Variants in KCNQ1 observed in about 807,000 individuals in gnomAD.
KCNQ1 encodes potassium voltage-gated channel subfamily KQT member 1.
In KCNQ1, 49 loss-of-function variants were observed where a neutral mutation model predicts 72.4. That is an observed-to-expected ratio of 0.68 (90% CI 0.54 to 0.86). The LOEUF (loss-of-function observed/expected upper bound fraction) is 0.86, where lower values mean the gene tolerates loss of function less well. Among genes scored for constraint, KCNQ1 ranks in the 40% least tolerant of loss-of-function variants. The pLI is 0.00. For missense variants in KCNQ1, 790 were observed against 945.1 expected (o/e 0.84, Z 2.15); for synonymous variants, 450 against 412.6 (o/e 1.09, Z -1.10).
Position 2,624,239 on chromosome 11 carries a change from G to C in KCNQ1, c.1393+35385G>C, listed in dbSNP as rs1200375927. 7.5e-6 allele frequency: 3 copies of C among 398,378 alleles called. No homozygotes were observed. The highest frequency in any genetic ancestry group is 1.3e-5 in the Non-Finnish European group (3 of 226,032). The allele number at this position is 398,378 out of a possible 1,614,324, so 24.7% of individuals were successfully genotyped here. On this transcript the variant is annotated intron_variant, in intron 10 of 15. Transcript: ENST00000155840. The surrounding 1 kb of genome is among the most constrained non-coding windows in gnomAD (Gnocchi z 4.9). Reference sequence around the variant, plus strand: ...CTTCATTGGTGAGATGTCTGTTAAGGTCTTCAGTCCATTTTGTAATCAGAT... The same window carrying C: ...CTTCATTGGTGAGATGTCTGTTAAGCTCTTCAGTCCATTTTGTAATCAGAT...
chr11:2,671,545 T>C lies in KCNQ1; in HGVS notation c.1514+9464T>C. On this transcript the variant is annotated intron_variant, in intron 11 of 15. Coordinates refer to ENST00000155840, the MANE Select transcript of KCNQ1 (RefSeq NM_000218.3). This position sits in a 1 kb window ranked among gnomAD's most constrained non-coding sequence, Gnocchi z 4.7. ...TTCAAAGGTTAATTTTGACTCTGCC[T>C]GACTTATCTCCTAAGTCTTTGGCAC... 2.5e-6 allele frequency: 1 copy of C among 398,670 alleles called. No homozygotes were observed. Among genetic ancestry groups the C allele is most frequent in the Non-Finnish European group, 4.4e-6 (1 of 226,080 alleles). The allele number at this position is 398,670 out of a possible 1,614,324, so 24.7% of individuals were successfully genotyped here.
intron 15 of KCNQ1, among the ~76,000 whole-genome samples, chr11:2,789,945 C>T (rs995092831): frequency 6.6e-6 from 1 of 152,212 alleles, no homozygotes; most frequent in South Asian, 2.1e-4. Context: ...CTCAGAGGCT[C>T]CTCTCTGTGC....
chr11:2,743,462 T>C (rs961250667), intron 11 of KCNQ1, among the ~76,000 whole-genome samples: 1 of 152,228 alleles, frequency 6.6e-6, no homozygotes, highest in Non-Finnish European at 1.5e-5. Flanking sequence ...GGGCCCAAGA[T>C]GTCAGTTTGC....
chr11:2,728,628 C>T (rs1003329884), intron 11 of KCNQ1, among the ~76,000 whole-genome samples: 4 of 152,232 alleles, frequency 2.6e-5, no homozygotes, highest in African/African-American at 9.6e-5. Flanking sequence ...CTACTGCATC[C>T]TCCCAGAAGC....
At chr11:2,586,753 CT>C (rs923432884) in intron 8 of KCNQ1, among the ~76,000 whole-genome samples, 20 of 152,260 alleles carry the variant, frequency 1.3e-4, no homozygotes, top group Non-Finnish European at 2.2e-4. Context: ...TCGCCAGCTG[CT>C]GTGTCTACCT....
At position 2,592,013 on chromosome 11, in the gene KCNQ1, ACG is replaced by A. The variant is rs1168481271; in HGVS notation, c.1393+3160_1393+3161del. The stretch of plus-strand genomic sequence containing the variant: ...ACAGCCCCACTCCCGCAAGGCGGGT[ACG>A]AACAGCCACACTGAGTCCCCCGCAA... On this transcript the variant is annotated intron_variant, in intron 10 of 15. Coordinates refer to ENST00000155840, the MANE Select transcript of KCNQ1 (RefSeq NM_000218.3). This position sits in a 1 kb window ranked among gnomAD's most constrained non-coding sequence, Gnocchi z 5.2. 5.9e-5 allele frequency among the ~76,000 whole-genome samples: 9 copies of A among 152,354 alleles called. No individual in the cohort carries two copies. The highest frequency in any genetic ancestry group is 1.9e-4 in the African/African-American group (8 of 41,590).
intron 15 of KCNQ1, among the ~76,000 whole-genome samples, chr11:2,789,463 C>T (rs1010033042): frequency 3.3e-5 from 5 of 152,208 alleles, no homozygotes; most frequent in African/African-American, 4.8e-5. Context: ...GACACCTCGA[C>T]GCCGCAGCCC....
At chr11:2,672,892 G>T (rs1333805813) in intron 11 of KCNQ1, 1 of 398,644 alleles carries the variant, frequency 2.5e-6, no homozygotes, top group African/African-American at 2.1e-5. Context: ...CAGGGGAGCA[G>T]TATGTGGCAC....
chr11:2,462,119 G>C lies in KCNQ1; in HGVS notation c.386+16635G>C, dbSNP rs752308749. 4.6e-5 allele frequency: 13 copies of C among 284,542 alleles called. No homozygotes were observed. Among genetic ancestry groups the C allele is most frequent in the Non-Finnish European group, 7.7e-5 (11 of 142,916 alleles). The allele number at this position is 284,542 out of a possible 1,614,324, so 17.6% of individuals were successfully genotyped here. ...TCACAAGAATCCTTCCCTGGGCTGA[G>C]GGGGCGTTGCTGTGGGTGTATCTCA... is the stretch of plus-strand genomic sequence containing the variant. On this transcript the variant is annotated intron_variant, in intron 1 of 15. Transcript: ENST00000155840. This position sits in a 1 kb window ranked among gnomAD's most constrained non-coding sequence, Gnocchi z 8.2.
At position 2,710,636 on chromosome 11, in the gene KCNQ1, CTTTCAGT is replaced by C. The variant is rs1850987165; in HGVS notation, c.1514+48557_1514+48563del. On this transcript the variant is annotated intron_variant, in intron 11 of 15. Transcript: ENST00000155840. The surrounding 1 kb of genome is among the most constrained non-coding windows in gnomAD (Gnocchi z 4.1). ...CTCTTACACTTAGGTCTTTCATCCG[CTTTCAGT>C]TAGTTTAACATATGGTGTGAGGTAG... 6.6e-6 allele frequency among the ~76,000 whole-genome samples: 1 copy of C among 152,136 alleles called. No homozygotes were observed. The highest frequency in any genetic ancestry group is 2.1e-4 in the South Asian group (1 of 4,830).
chr11:2,618,729 G>C (rs895884385), intron 10 of KCNQ1: 10 of 398,334 alleles, frequency 2.5e-5, no homozygotes, highest in Middle Eastern at 6.2e-4. Context: ...AATTTTCCAT[G>C]GGATTTTGAT....
intron 10 of KCNQ1, chr11:2,650,759 G>A: frequency 7.5e-6 from 3 of 398,614 alleles, no homozygotes. Context: ...CTACCCACAG[G>A]CAATTTGAAG....
intron 2 of KCNQ1, among the ~76,000 whole-genome samples, chr11:2,558,455 A>G (rs1479234323): frequency 6.6e-6 from 1 of 152,198 alleles, no homozygotes; most frequent in East Asian, 1.9e-4. Context: ...TTGCTTCATC[A>G]GAATCTGCTG....
intron 11 of KCNQ1, chr11:2,694,650 C>G (rs550230019): frequency 2.5e-6 from 1 of 398,650 alleles, no homozygotes; most frequent in African/African-American, 2.1e-5. Flanking sequence ...ATCTGTGACA[C>G]ACCCACCATG....
chr11:2,650,662 G>A, intron 10 of KCNQ1: 1 of 398,628 alleles, frequency 2.5e-6, no homozygotes. Flanking sequence ...TTTTGACAAA[G>A]CATTTTAAGC....
intron 2 of KCNQ1, among the ~76,000 whole-genome samples, chr11:2,530,750 CAT>C (rs1224585130): frequency 1.3e-5 from 2 of 152,250 alleles, no homozygotes; most frequent in East Asian, 3.9e-4. Flanking sequence ...AATGTGGCCA[CAT>C]ATAGGCACAT....
rs1849265799 is a variant in KCNQ1, at chr11:2,626,595, C to T, written c.1394-35366C>T. The T allele has an allele frequency of 2.5e-6, 1 of 398,506 alleles. No individual in the cohort carries two copies. Among genetic ancestry groups the T allele is most frequent in the Non-Finnish European group, 4.4e-6 (1 of 226,112 alleles). 24.7% of individuals were successfully genotyped at this position (398,506 alleles called of 1,614,324 possible). A position where few individuals can be genotyped will look rare whatever the true frequency, so the allele number is the denominator to read the frequency against. On this transcript the variant is annotated intron_variant, in intron 10 of 15. Coordinates refer to ENST00000155840, the MANE Select transcript of KCNQ1 (RefSeq NM_000218.3). The surrounding 1 kb of genome is among the most constrained non-coding windows in gnomAD (Gnocchi z 4.0). ...CCACGCTGGAGTACAGTGGCATTAT[C>T]ACTGCTTACTGCCACCTCAATCTCC... is the stretch of plus-strand genomic sequence containing the variant.
Position 2,482,109 on chromosome 11 carries a change from G to A in KCNQ1, c.386+36625G>A, listed in dbSNP as rs1338480044. Reference sequence around the variant, plus strand: ...GCCCTCACCTCGTATGGTGGTTTGAGGATTGAATGAACTCATTGTCCAGCA... The same window carrying A: ...GCCCTCACCTCGTATGGTGGTTTGAAGATTGAATGAACTCATTGTCCAGCA... On this transcript the variant is annotated intron_variant, in intron 1 of 15. Coordinates refer to ENST00000155840, the MANE Select transcript of KCNQ1 (RefSeq NM_000218.3). The surrounding 1 kb of genome is among the most constrained non-coding windows in gnomAD (Gnocchi z 5.7). Among the ~76,000 whole-genome samples, 1 of 152,184 alleles carries A rather than the reference G, an allele frequency of 6.6e-6. No homozygotes were observed. Among genetic ancestry groups the A allele is most frequent in the Non-Finnish European group, 1.5e-5 (1 of 68,024 alleles).
chr11:2,688,158 T>C, intron 11 of KCNQ1: 1 of 398,798 alleles, frequency 2.5e-6, no homozygotes, highest in Non-Finnish European at 4.4e-6. Flanking sequence ...CGCAGCTCCC[T>C]AGGCCTCTGC....
Sources: gnomAD v4.1 joint callset for allele counts (sites outside exome capture counted in the v4.1 genomes callset) on GRCh38, gnomAD v4.1.1 for gene constraint, Gnocchi (gnomAD v3.1) non-coding constraint, MANE v1.5 for transcripts, NCBI Gene and HGNC (gene_info 2026-07-23, HGNC 2026-07-21) for gene names.